Variants in CHD9 observed in about 807,000 individuals in gnomAD.
The protein encoded by CHD9 is ATP-dependent chromatin remodeler CHD9.
CHD9 carries 77 observed loss-of-function variants against 316.1 expected under a neutral mutation model. That is an observed-to-expected ratio of 0.24 (90% CI 0.20 to 0.29). CHD9 has a LOEUF of 0.29. CHD9 is among the 10% of genes least tolerant of loss of function. CHD9 has a pLI of 1.00. For synonymous variants in CHD9, 1,129 were observed against 1,158.3 expected (o/e 0.97, Z 0.51); for missense variants, 2,763 against 3,438.1 (o/e 0.80, Z 4.91).
chr16:53,317,121 G>T (rs577575500), intron 36 of CHD9, among the ~76,000 whole-genome samples: 267 of 148,638 alleles, frequency 1.8e-3, no homozygotes, highest in Admixed American at 2.8e-3. Flanking sequence ...TCTTGAACCC[G>T]GGAGGCAGAG....
chr16:53,241,773 A>G (rs986403862), intron 12 of CHD9, among the ~76,000 whole-genome samples: 2 of 152,110 alleles, frequency 1.3e-5, no homozygotes, highest in African/African-American at 4.8e-5. Flanking sequence ...TTGCATTACT[A>G]TGGCAGCTTT....
chr16:53,109,677 C>CTTTTTTTTT lies in CHD9; in HGVS notation c.-164-46232_-164-46224dup, dbSNP rs1166073629. On this transcript the variant is annotated intron_variant, in intron 1 of 38. Coordinates refer to ENST00000447540, the MANE Select transcript of CHD9 (RefSeq NM_001308319.2). ...GCCTAAAAATTTGGATTCCCAGTTT[C>CTTTTTTTTT]TTTTTTTTTTTTTTTTTTTTTTTTT... 3.1e-3 allele frequency among the ~76,000 whole-genome samples: 220 copies of CTTTTTTTTT among 71,594 alleles called. 10 individuals are homozygous for CTTTTTTTTT. Among genetic ancestry groups the CTTTTTTTTT allele is most frequent in the African/African-American group, 3.8e-3 (64 of 16,992 alleles). The allele number at this position is 71,594 out of a possible 152,430, so 47.0% of individuals were successfully genotyped here. A position where few individuals can be genotyped will look rare whatever the true frequency, so the allele number is the denominator to read the frequency against.
chr16:53,234,291 TATAA>T (rs2048427272), intron 10 of CHD9, among the ~76,000 whole-genome samples: 3 of 152,178 alleles, frequency 2.0e-5, no homozygotes, highest in Admixed American at 6.5e-5. Flanking sequence ...TCTTCTATAA[TATAA>T]ATAAAGACAG....
chr16:53,262,762 A>G (rs2051273923), intron 19 of CHD9, among the ~76,000 whole-genome samples: 1 of 152,202 alleles, frequency 6.6e-6, no homozygotes. Flanking sequence ...AGAGTTAACC[A>G]ACAGTAATAA....
At chr16:53,133,518 C>T (rs1392505454) in intron 1 of CHD9, among the ~76,000 whole-genome samples, 3 of 152,094 alleles carry the variant, frequency 2.0e-5, no homozygotes, top group African/African-American at 7.2e-5. Context: ...TAGAGAGAAT[C>T]GGGACTTTGT....
intron 36 of CHD9, among the ~76,000 whole-genome samples, chr16:53,317,779 C>T (rs752610795): frequency 1.6e-4 from 24 of 152,074 alleles, no homozygotes; most frequent in Admixed American, 1.3e-4. Flanking sequence ...TTTGGCCAGG[C>T]GTGGTGGCTC....
chr16:53,230,270 G>A (rs747952655), intron 8 of CHD9, among the ~76,000 whole-genome samples: 1 of 152,246 alleles, frequency 6.6e-6, no homozygotes, highest in African/African-American at 2.4e-5. Context: ...GGTGGTATCT[G>A]CCAGATGTCT....
chr16:53,156,683 T>A lies in CHD9; in HGVS notation c.594T>A (p.Asn198Lys). The A allele has an allele frequency of 1.2e-6, 2 of 1,613,988 alleles. No homozygotes were observed. The highest frequency in any genetic ancestry group is 1.7e-6 in the Non-Finnish European group (2 of 1,179,878). The change falls in exon 2 of 39, where the codon AAT (asparagine) becomes AAA (lysine). Residue 198 changes from asparagine (N) to lysine (K), a missense_variant. Coordinates refer to ENST00000447540, the MANE Select transcript of CHD9 (RefSeq NM_001308319.2). ...PGQNSLSQSK[N>K]FMNVSGPHRV... Reference sequence around the variant, plus strand: ...AGAATTCTCTTAGCCAGTCTAAAAATTTTATGAATGTTTCTGGTCCACATA... The same window carrying A: ...AGAATTCTCTTAGCCAGTCTAAAAAATTTATGAATGTTTCTGGTCCACATA...
intron 24 of CHD9, among the ~76,000 whole-genome samples, chr16:53,280,049 CA>C (rs2053255114): frequency 6.6e-6 from 1 of 152,014 alleles, no homozygotes; most frequent in Non-Finnish European, 1.5e-5. Context: ...ATGTAGTGAA[CA>C]AAACACTTCT....
At chr16:53,061,533 G>A (rs967904553) in intron 1 of CHD9, among the ~76,000 whole-genome samples, 20 of 152,258 alleles carry the variant, frequency 1.3e-4, no homozygotes, top group Middle Eastern at 6.8e-3. Context: ...GAAATTAACC[G>A]AGAAAGGGAG....
At chr16:53,107,755 A>G (rs1399735067) in intron 1 of CHD9, among the ~76,000 whole-genome samples, 1 of 152,200 alleles carries the variant, frequency 6.6e-6, no homozygotes, top group Non-Finnish European at 1.5e-5. Context: ...AAGTTCATTT[A>G]TTTATCAAAC....
At chr16:53,248,899 G>C (rs1182883124) in intron 16 of CHD9, among the ~76,000 whole-genome samples, 2 of 152,114 alleles carry the variant, frequency 1.3e-5, no homozygotes, top group Admixed American at 6.5e-5. Flanking sequence ...TAGAGATTAT[G>C]TAGTTCATTT....
chr16:53,087,439 A>C (rs1361393213), intron 1 of CHD9, among the ~76,000 whole-genome samples: 1 of 152,182 alleles, frequency 6.6e-6, no homozygotes, highest in Non-Finnish European at 1.5e-5. Context: ...TCTATTCCCA[A>C]GTCCTCATGC....
chr16:53,264,832 A>G (rs1043890292), intron 20 of CHD9, among the ~76,000 whole-genome samples: 5 of 152,172 alleles, frequency 3.3e-5, no homozygotes, highest in Non-Finnish European at 7.3e-5. Flanking sequence ...AGCTTAGTGT[A>G]TTCTAGAAGC....
chr16:53,319,224 T>C (rs1477969162), intron 37 of CHD9, among the ~76,000 whole-genome samples: 2 of 152,194 alleles, frequency 1.3e-5, no homozygotes, highest in Admixed American at 6.5e-5. Flanking sequence ...ATGGCGTCAG[T>C]GTAAGTACAT....
intron 1 of CHD9, among the ~76,000 whole-genome samples, chr16:53,071,271 A>G (rs1053979130): frequency 1.1e-4 from 16 of 152,126 alleles, no homozygotes; most frequent in Admixed American, 9.2e-4. Context: ...GAGGCTCTTG[A>G]TATATTTAAA....
Position 53,067,436 on chromosome 16 carries a change from T to G in CHD9, c.-165+12359T>G, listed in dbSNP as rs184702660. 9.9e-5 allele frequency among the ~76,000 whole-genome samples: 15 copies of G among 152,272 alleles called. 1 individual carries two copies. The East Asian group carries it at 2.3e-3, about 23-fold the overall frequency. On this transcript the variant is annotated intron_variant, in intron 1 of 38. Transcript: ENST00000447540. ...CAGGATCCCATCCAGAATACCAAAT[T>G]ACATTTATATCTTTTTTTTTATACC...
chr16:53,157,759 G>A (rs993730617), intron 2 of CHD9, among the ~76,000 whole-genome samples: 2 of 152,084 alleles, frequency 1.3e-5, no homozygotes, highest in African/African-American at 4.8e-5. Flanking sequence ...TCTATATTTA[G>A]AAAATTATAA....
chr16:53,310,691 C>CA (rs869090799), intron 34 of CHD9: 14,248 of 129,544 alleles, frequency 0.11, 1,077 homozygotes, highest in Non-Finnish European at 0.16. Context: ...GTACTAAATA[C>CA]AAAAAAAAAA....
Sources: allele counts gnomAD v4.1 joint callset (sites outside exome capture counted in the v4.1 genomes callset), GRCh38; gene constraint gnomAD v4.1.1; transcripts MANE v1.5; gene names NCBI Gene and HGNC (gene_info 2026-07-23, HGNC 2026-07-21).